The following IDE variants were observed in gnomAD, a reference collection of about 807,000 sequenced individuals.
The protein encoded by IDE is insulin degrading enzyme.
IDE carries 58 observed loss-of-function variants against 133.2 expected under a neutral mutation model. That is an observed-to-expected ratio of 0.44 (90% CI 0.35 to 0.54). The LOEUF is 0.54. Among genes scored for constraint, IDE ranks in the 20% least tolerant of loss-of-function variants. IDE has a pLI of 0.00. For missense variants in IDE, 981 were observed against 1,234.0 expected, an observed-to-expected ratio of 0.79 and a Z score of 3.07; for synonymous variants, 396 against 421.3, an observed-to-expected ratio of 0.94 and a Z score of 0.73.
In IDE at chr10:92,508,990, T is replaced by C. The variant is rs1363996988; in HGVS notation, c.898-100A>G. On this transcript the variant is annotated intron_variant, in intron 6 of 24. Transcript: ENST00000265986. The stretch of plus-strand genomic sequence containing the variant: ...GATTTTCATGGGAGAATCCCAAATT[T>C]AAGAGCAAATCAATTGCCACAGAAA... 32 of 906,090 alleles carry C rather than the reference T, an allele frequency of 3.5e-5. No homozygotes were observed. In the East Asian group the frequency reaches 7.8e-4, roughly 22 times the overall value. 56.1% of individuals were successfully genotyped at this position (906,090 alleles called of 1,614,324 possible).
chr10:92,563,526 G>A (rs1311825220), intron 1 of IDE, among the ~76,000 whole-genome samples: 2 of 151,402 alleles, frequency 1.3e-5, no homozygotes, highest in African/African-American at 4.9e-5. Context: ...GCTGAGGCGG[G>A]CAGATAACAA....
chr10:92,483,798 T>C, intron 13 of IDE, among the ~76,000 whole-genome samples: 1 of 151,886 alleles, frequency 6.6e-6, no homozygotes, highest in East Asian at 1.9e-4. Flanking sequence ...TAACAAAATA[T>C]GACAGAATTA....
At position 92,465,769 on chromosome 10, in the gene IDE, T is replaced by C; in HGVS notation, c.2395A>G (p.Met799Val). ...CGIEIYYQTD[M>V]QSTSENMFLE... ...AACATATTCTCTGAGGTGCTTTGCA[T>C]GTCTGTTTGGTAGTATATCTCGATG... Residue 799 changes from methionine to valine, a missense_variant, in exon 20 of 25, where the codon ATG (methionine) becomes GTG (valine). Coordinates refer to ENST00000265986, the MANE Select transcript of IDE (RefSeq NM_004969.4). The C allele has an allele frequency of 1.2e-6, 2 of 1,613,902 alleles. No individual in the cohort carries two copies. The highest frequency in any genetic ancestry group is 1.7e-6 in the Non-Finnish European group (2 of 1,179,762).
chr10:92,519,991 C>T (rs1240228013), intron 4 of IDE, among the ~76,000 whole-genome samples: 1 of 152,136 alleles, frequency 6.6e-6, no homozygotes, highest in African/African-American at 2.4e-5. Context: ...GTAGTCCCAG[C>T]TACTCGGGGA....
At chr10:92,537,332 AAAAC>A (rs776579782) in intron 2 of IDE, 30 bp downstream of exon 2, 1 of 1,543,726 alleles carries the variant, frequency 6.5e-7, no homozygotes, top group Admixed American at 2.0e-5. Flanking sequence ...TCAATGAAAC[AAAAC>A]AAAGCTTAAT....
Position 92,510,036 on chromosome 10 carries a change from A to C in IDE, c.897+14T>G. The C allele has an allele frequency of 7.3e-7, 1 of 1,371,178 alleles. No individual in the cohort carries two copies. Among genetic ancestry groups the C allele is most frequent in the South Asian group, 1.2e-5 (1 of 82,866 alleles). The allele number at this position is 1,371,178 out of a possible 1,614,324, so 84.9% of individuals were successfully genotyped here. ...TAAATTAAGAAGACAAAATACCAAAATTTATGCACTTACTTTAAGATGTTC... is the reference window on the plus strand; with the variant it reads ...TAAATTAAGAAGACAAAATACCAAACTTTATGCACTTACTTTAAGATGTTC... On this transcript the variant is annotated intron_variant, in intron 6 of 24. Coordinates refer to ENST00000265986, the MANE Select transcript of IDE (RefSeq NM_004969.4).
rs761870451 is a variant in IDE, at chr10:92,463,899, C to T, written c.2593G>A (p.Ala865Thr). The change falls in exon 21 of 25, where the codon GCT (alanine) becomes ACT (threonine). Residue 865 changes from alanine (A) to threonine (T), a missense_variant. Coordinates refer to ENST00000265986, the MANE Select transcript of IDE (RefSeq NM_004969.4). Reference sequence around the variant, plus strand: ...GACTTTTCCATGGTAATTAAGAAAGCTTCCACTCTGCTTTCTAGGTAGTGA... The same window carrying T: ...GACTTTTCCATGGTAATTAAGAAAGTTTCCACTCTGCTTTCTAGGTAGTGA... Reference protein sequence around the residue: ...PPHYLESRVEAFLITMEKSIE... With the variant: ...PPHYLESRVETFLITMEKSIE... 3.7e-6 allele frequency: 6 copies of T among 1,614,182 alleles called. No homozygotes were observed. Among genetic ancestry groups the T allele is most frequent in the East Asian group, 2.2e-5 (1 of 44,888 alleles).
intron 5 of IDE, among the ~76,000 whole-genome samples, chr10:92,511,785 G>A (rs901225196): frequency 6.6e-6 from 1 of 152,132 alleles, no homozygotes; most frequent in African/African-American, 2.4e-5. Flanking sequence ...GTGAATTTAG[G>A]AATGGAGAAG....
chr10:92,494,777 C>T (rs1847588847), intron 11 of IDE, among the ~76,000 whole-genome samples: 1 of 152,282 alleles, frequency 6.6e-6, no homozygotes, highest in Non-Finnish European at 1.5e-5. Context: ...CTCCTGACTA[C>T]AGACATGAAA....
intron 15 of IDE, 144 bp from the exon 16 acceptor site, chr10:92,476,138 T>C: frequency 1.7e-6 from 1 of 584,974 alleles, no homozygotes. Context: ...GTCATAAATA[T>C]ATATAGTGTA....
chr10:92,566,021 C>G (rs900981446), intron 1 of IDE, among the ~76,000 whole-genome samples: 1 of 151,456 alleles, frequency 6.6e-6, no homozygotes, highest in Admixed American at 6.6e-5. Context: ...AAAAGACTAC[C>G]ACCACCACTC....
chr10:92,473,285 T>C (rs1236157966), intron 17 of IDE, among the ~76,000 whole-genome samples: 6 of 152,006 alleles, frequency 3.9e-5, no homozygotes, highest in Non-Finnish European at 7.4e-5. Flanking sequence ...GGAAGAAAGA[T>C]TAATTGGCGA....
At chr10:92,497,839 T>C (rs1010999591) in intron 11 of IDE, 1 of 221,534 alleles carries the variant, frequency 4.5e-6, no homozygotes, top group African/African-American at 2.3e-5. Flanking sequence ...AGGTATTTAA[T>C]TGCATAAGAT....
chr10:92,480,939 G>C, intron 14 of IDE: 1 of 958,588 alleles, frequency 1.0e-6, no homozygotes, highest in African/African-American at 1.8e-5. Context: ...CAAAAATAGG[G>C]ATAAAATGTG....
At chr10:92,480,947 G>C in intron 14 of IDE, 1 of 945,694 alleles carries the variant, frequency 1.1e-6, no homozygotes, top group Non-Finnish European at 1.3e-6. Flanking sequence ...GGGATAAAAT[G>C]TGTAGTCACT....
Position 92,505,347 on chromosome 10 carries a change from GA to G in IDE, c.1327-451del, listed in dbSNP as rs982069685. Among the ~76,000 whole-genome samples, 125 of 150,754 alleles carry G rather than the reference GA, an allele frequency of 8.3e-4. 1 individual carries two copies. Among genetic ancestry groups the G allele is most frequent in the Middle Eastern group, 3.4e-3 (1 of 290 alleles). Reference sequence around the variant, plus strand: ...GACAAACATTTAGGAAGCGGCTGTGGAAAAAAAAATGGCTTATATTTTTGGC... The same window carrying G: ...GACAAACATTTAGGAAGCGGCTGTGGAAAAAAAATGGCTTATATTTTTGGC... On this transcript the variant is annotated intron_variant, in intron 10 of 24. Coordinates refer to ENST00000265986, the MANE Select transcript of IDE (RefSeq NM_004969.4).
intron 3 of IDE, 101 bp downstream of exon 3, chr10:92,534,477 C>T (rs1850130211): frequency 1.3e-6 from 1 of 744,738 alleles, no homozygotes; most frequent in Non-Finnish European, 2.2e-6. Context: ...TTTAAAATAC[C>T]TTTTGTTAAA....
chr10:92,569,271 C>T (rs1843684623), intron 1 of IDE, among the ~76,000 whole-genome samples: 1 of 152,166 alleles, frequency 6.6e-6, no homozygotes, highest in African/African-American at 2.4e-5. Context: ...CAACAGAATG[C>T]TTACATGCTG....
intron 2 of IDE, among the ~76,000 whole-genome samples, chr10:92,536,889 T>C (rs1392270479): frequency 6.6e-6 from 1 of 151,256 alleles, no homozygotes; most frequent in African/African-American, 2.4e-5. Flanking sequence ...AATACAAAAA[T>C]TAGCTGGGCA....
Sources: gnomAD v4.1 joint callset for allele counts (sites outside exome capture counted in the v4.1 genomes callset) on GRCh38, gnomAD v4.1.1 for gene constraint, MANE v1.5 for transcripts, NCBI Gene and HGNC (gene_info 2026-07-23, HGNC 2026-07-21) for gene names.